Variants in IPO11 observed in about 807,000 individuals in gnomAD.
IPO11 encodes the protein importin-11.
A neutral mutation model predicts 143.2 loss-of-function variants in IPO11; 66 were observed. The observed-to-expected ratio is 0.46, with a 90% CI of 0.38 to 0.57. IPO11 has a LOEUF of 0.57. IPO11 is among the 20% of genes least tolerant of loss of function. IPO11 has a pLI of 0.00. For missense variants in IPO11, 1,026 were observed against 1,141.0 expected (o/e 0.90, Z 1.45); for synonymous variants, 385 against 377.8 (o/e 1.02, Z -0.22).
At chr5:62,535,664 C>T (rs1343032343) in intron 22 of IPO11, among the ~76,000 whole-genome samples, 1 of 151,938 alleles carries the variant, frequency 6.6e-6, no homozygotes, top group East Asian at 1.9e-4. Context: ...CCTTCAGAGA[C>T]ATTTTGAGAC....
At position 62,533,505 on chromosome 5, in the gene IPO11, C is replaced by T. The variant is rs545707674; in HGVS notation, c.2089+2720C>T. 3.7e-4 allele frequency among the ~76,000 whole-genome samples: 56 copies of T among 152,224 alleles called. No homozygotes were observed. In the South Asian group the frequency reaches 8.1e-3, roughly 22 times the overall value. ...GGGATTACAGGCGTGAGCCACCATG[C>T]CTGGCCGTACATTCTTTCATGAAAG... On this transcript the variant is annotated intron_variant, in intron 22 of 29. Transcript: ENST00000325324.
chr5:62,559,389 T>C (rs919607950), intron 26 of IPO11, among the ~76,000 whole-genome samples: 1 of 151,850 alleles, frequency 6.6e-6, no homozygotes, highest in East Asian at 1.9e-4. Flanking sequence ...TGAAACTTCA[T>C]TTTTTTTAAT....
At chr5:62,611,679 G>A (rs955540075) in intron 29 of IPO11, among the ~76,000 whole-genome samples, 1 of 152,166 alleles carries the variant, frequency 6.6e-6, no homozygotes, top group South Asian at 2.1e-4. Context: ...ACTTGGAAAC[G>A]TTGGCAACAT....
intron 2 of IPO11, 73 bp downstream of exon 2, chr5:62,437,490 G>C: frequency 7.7e-7 from 1 of 1,306,698 alleles, no homozygotes; most frequent in South Asian, 1.5e-5. Flanking sequence ...TAAAACCCTA[G>C]TTTTATTGGT....
Position 62,474,414 on chromosome 5 carries a change from AG to A in IPO11, c.710del. The A allele has an allele frequency of 6.6e-7, 1 of 1,521,416 alleles. No individual in the cohort carries two copies. Among genetic ancestry groups the A allele is most frequent in the Non-Finnish European group, 8.9e-7 (1 of 1,120,482 alleles). The allele number at this position is 1,521,416 out of a possible 1,614,324, so 94.2% of individuals were successfully genotyped here. A position where few individuals can be genotyped will look rare whatever the true frequency, so the allele number is the denominator to read the frequency against. ...GATATTTAAAATAATATTCTTTTCT[AG>A]GGTTTTTTACATGGAATATTTGAAC... On this transcript the variant is annotated splice_acceptor_variant, in intron 7 of 29. Coordinates refer to ENST00000325324, the MANE Select transcript of IPO11 (RefSeq NM_016338.5). LOFTEE classifies it high-confidence loss of function.
At chr5:62,517,273 G>T (rs944649200) in intron 20 of IPO11, among the ~76,000 whole-genome samples, 3 of 152,124 alleles carry the variant, frequency 2.0e-5, no homozygotes, top group African/African-American at 7.2e-5. Flanking sequence ...ACCTTATAAA[G>T]ATTATGTCCG....
At chr5:62,527,756 G>T (rs954116841) in intron 21 of IPO11, among the ~76,000 whole-genome samples, 1 of 152,106 alleles carries the variant, frequency 6.6e-6, no homozygotes, top group Non-Finnish European at 1.5e-5. Context: ...AAATTATTAG[G>T]AGAAAATTTT....
intron 1 of IPO11, among the ~76,000 whole-genome samples, chr5:62,419,646 G>A (rs1340978775): frequency 1.3e-5 from 2 of 151,862 alleles, no homozygotes; most frequent in African/African-American, 4.8e-5. Context: ...GTCTGAGGCT[G>A]TTTTACAGTT....
chr5:62,442,845 C>T (rs1054998163), intron 2 of IPO11, 138 bp from the exon 3 acceptor site: 20 of 448,704 alleles, frequency 4.5e-5, no homozygotes, highest in South Asian at 1.7e-4. Flanking sequence ...GCCTGGGCGA[C>T]GAGAGTGAAA....
intron 24 of IPO11, among the ~76,000 whole-genome samples, chr5:62,541,779 AAACT>A (rs1230768791): frequency 6.6e-6 from 1 of 152,208 alleles, no homozygotes; most frequent in Non-Finnish European, 1.5e-5. Context: ...TGAAAATTCC[AAACT>A]AACTTACTGC....
chr5:62,427,087 G>A (rs1053475959), intron 1 of IPO11, among the ~76,000 whole-genome samples: 5 of 151,438 alleles, frequency 3.3e-5, no homozygotes, highest in Non-Finnish European at 7.4e-5. Context: ...ACAGGCGCCC[G>A]CCACCACACC....
At chr5:62,493,304 C>G (rs1214629229) in intron 15 of IPO11, among the ~76,000 whole-genome samples, 1 of 152,020 alleles carries the variant, frequency 6.6e-6, no homozygotes, top group Admixed American at 6.6e-5. Context: ...AAATTACATA[C>G]AGGAGCTTCT....
intron 1 of IPO11, among the ~76,000 whole-genome samples, chr5:62,427,265 T>C (rs1743790352): frequency 6.6e-6 from 1 of 152,040 alleles, no homozygotes; most frequent in Non-Finnish European, 1.5e-5. Flanking sequence ...AGCAGGAGTT[T>C]GCAGGTTTTT....
intron 21 of IPO11, among the ~76,000 whole-genome samples, chr5:62,528,186 T>C (rs1215080499): frequency 6.6e-6 from 1 of 152,172 alleles, no homozygotes; most frequent in African/African-American, 2.4e-5. Context: ...GCTGTTTACT[T>C]ATATAGTAGG....
At chr5:62,551,464 A>C in intron 26 of IPO11, 128 bp downstream of exon 26, 1 of 524,818 alleles carries the variant, frequency 1.9e-6, no homozygotes, top group Non-Finnish European at 3.4e-6. Context: ...TTAAATCTTT[A>C]TTTATGCTGT....
At chr5:62,602,809 A>T (rs189973721) in intron 29 of IPO11, among the ~76,000 whole-genome samples, 320 of 152,314 alleles carry the variant, frequency 2.1e-3, no homozygotes, top group African/African-American at 7.2e-3. Flanking sequence ...GACAACATCC[A>T]AAGATTCTTA....
intron 27 of IPO11, among the ~76,000 whole-genome samples, chr5:62,564,686 C>G (rs1441784208): frequency 6.6e-6 from 1 of 152,110 alleles, no homozygotes; most frequent in East Asian, 1.9e-4. Flanking sequence ...CTCCCACCCC[C>G]TCAAGTCACG....
intron 26 of IPO11, among the ~76,000 whole-genome samples, chr5:62,553,692 G>A (rs1313368944): frequency 1.3e-5 from 2 of 151,400 alleles, no homozygotes; most frequent in Non-Finnish European, 1.5e-5. Context: ...TCTAACTGGA[G>A]TGAGATGATA....
intron 29 of IPO11, among the ~76,000 whole-genome samples, chr5:62,626,005 G>A (rs1027990012): frequency 6.6e-6 from 1 of 152,016 alleles, no homozygotes; most frequent in Non-Finnish European, 1.5e-5. Flanking sequence ...TGTTAACATT[G>A]TATGTTACAT....
Sources: gnomAD v4.1 joint callset for allele counts (sites outside exome capture counted in the v4.1 genomes callset) on GRCh38, gnomAD v4.1.1 for gene constraint, MANE v1.5 for transcripts, NCBI Gene and HGNC (gene_info 2026-07-23, HGNC 2026-07-21) for gene names.